Variants in CHD1L observed in about 807,000 individuals in gnomAD.
CHD1L encodes the protein ATP-dependent chromatin remodeler CHD1L.
CHD1L carries 118 observed loss-of-function variants against 115.9 expected under a neutral mutation model. That is an observed-to-expected ratio of 1.02 (90% CI 0.88 to 1.19). The LOEUF is 1.19. CHD1L is among the 50% of genes most tolerant of loss of function. The pLI is 0.00. For missense variants in CHD1L, 1,179 were observed against 1,065.3 expected, an observed-to-expected ratio of 1.11 and a Z score of -1.49; for synonymous variants, 411 against 387.1, an observed-to-expected ratio of 1.06 and a Z score of -0.72.
the CHD1L span, chr1:147,212,243 C>G: frequency 2.7e-6 from 2 of 733,942 alleles, no homozygotes; most frequent in Non-Finnish European, 2.2e-6. Flanking sequence ...ATGTTGCCAA[C>G]TGAGGTAATG....
intron 3 of CHD1L, 99 bp from the exon 4 acceptor site, chr1:147,255,714 T>C: frequency 3.8e-6 from 3 of 790,408 alleles, no homozygotes; most frequent in Admixed American, 5.0e-5. Context: ...ATGAGTTCTG[T>C]ACATTGCAAT....
Position 147,280,155 on chromosome 1 carries a change from G to C in CHD1L, c.1669G>C (p.Ala557Pro). Residue 557 changes from alanine to proline, a missense_variant, in exon 15 of 23, where the codon GCA becomes CCA. Coordinates refer to ENST00000369258, the MANE Select transcript of CHD1L (RefSeq NM_004284.6). ...DGQWVSDALP[A>P]AEGGSRDQEE... ...CCAGTGGGTCTCTGATGCCTTGCCT[G>C]CAGCAGAAGGAGGGAGCAGAGATCA... 1 of 1,611,288 alleles carries C rather than the reference G, an allele frequency of 6.2e-7. No homozygotes were observed. The highest frequency in any genetic ancestry group is 1.1e-5 in the South Asian group (1 of 90,592).
Position 147,294,521 on chromosome 1 carries a change from T to A in CHD1L, c.2615+4T>A. The A allele has an allele frequency of 6.2e-7, 1 of 1,605,998 alleles. No homozygotes were observed. Among genetic ancestry groups the A allele is most frequent in the Non-Finnish European group, 8.5e-7 (1 of 1,174,560 alleles). On this transcript the variant is annotated splice_donor_region_variant and intron_variant, in intron 22 of 22. Transcript: ENST00000369258. ...CAAGAGGCATCCCAACTTACATGTA[T>A]CCTTTTGTGATCTTCATTGTGTGTT...
chr1:147,268,109 C>T (rs187390568), intron 9 of CHD1L, among the ~76,000 whole-genome samples: 1 of 152,190 alleles, frequency 6.6e-6, no homozygotes, highest in African/African-American at 2.4e-5. Context: ...TATACTTTCT[C>T]TTCTCCATCT....
chr1:147,289,615 G>C (rs1460212516), intron 19 of CHD1L, among the ~76,000 whole-genome samples: 1 of 152,172 alleles, frequency 6.6e-6, no homozygotes, highest in Non-Finnish European at 1.5e-5. Flanking sequence ...TGAAACTGTG[G>C]ATTCCAATTC....
At chr1:147,231,242 C>G in the CHD1L span, among the ~76,000 whole-genome samples, 3 of 152,236 alleles carry the variant, frequency 2.0e-5, no homozygotes, top group South Asian at 6.2e-4. Context: ...ACCTCTTTAT[C>G]TCTACCTTCA....
In CHD1L at chr1:147,285,368, G is replaced by A. The variant is rs926865372; in HGVS notation, c.1899G>A (p.Arg633=). The change falls in exon 17 of 23, where the codon CGG becomes CGA. Residue 633 remains arginine (R), a synonymous_variant. Coordinates refer to ENST00000369258, the MANE Select transcript of CHD1L (RefSeq NM_004284.6). ...GLVEGSTKRK[R]VLSPEELEDR... ...TGGAGGGATCTACCAAAAGGAAGCG[G>A]GTTCTGAGTCCAGAAGAGCTGGAGG... The A allele has an allele frequency of 6.2e-7, 1 of 1,613,892 alleles. No homozygotes were observed. The highest frequency in any genetic ancestry group is 1.1e-5 in the South Asian group (1 of 91,056).
the CHD1L span, among the ~76,000 whole-genome samples, chr1:147,193,914 G>A: frequency 1.3e-5 from 2 of 152,040 alleles, no homozygotes; most frequent in Non-Finnish European, 2.9e-5. Context: ...GCTGAGGAGT[G>A]CTTTACTTCC....
rs1678348087 is a variant in CHD1L, at chr1:147,276,127, T to C, written c.1409T>C (p.Ile470Thr). 2 of 1,614,062 alleles carry C rather than the reference T, an allele frequency of 1.2e-6. No homozygotes were observed. Among genetic ancestry groups the C allele is most frequent in the Non-Finnish European group, 1.7e-6 (2 of 1,180,018 alleles). The change falls in exon 14 of 23, where the codon ATT becomes ACT. Residue 470 changes from isoleucine (I) to threonine (T), a missense_variant. Physicochemically the swap from Ile to Thr is moderately conservative, Grantham distance 89. Coordinates refer to ENST00000369258, the MANE Select transcript of CHD1L (RefSeq NM_004284.6). The stretch of plus-strand genomic sequence containing the variant: ...AGGTCTGTTAAAGTTATTCGGCTGA[T>C]TGGTCGAGACACTGTGGAAGAAATA... The part of the protein sequence containing the change: ...QNKSVKVIRL[I>T]GRDTVEEIVY...
At chr1:147,194,329 C>T in the CHD1L span, among the ~76,000 whole-genome samples, 5,605 of 152,064 alleles carry the variant, frequency 0.037, 154 homozygotes, top group South Asian at 0.095. Context: ...AGGATTGCAA[C>T]CCCTGCCTTT....
chr1:147,243,530 A>G (rs1410384842), intron 1 of CHD1L, among the ~76,000 whole-genome samples: 1 of 152,002 alleles, frequency 6.6e-6, no homozygotes. Flanking sequence ...CATGCCCCCC[A>G]GCCCTGCCGC....
chr1:147,251,732 T>C (rs1553936477), intron 1 of CHD1L, among the ~76,000 whole-genome samples: 1 of 152,142 alleles, frequency 6.6e-6, no homozygotes, highest in Non-Finnish European at 1.5e-5. Context: ...GTTTTCACCA[T>C]GTTGGCCAGG....
rs1257191542 is a variant in CHD1L, at chr1:147,242,928, G to A, written c.127+98G>A. Reference sequence around the variant, plus strand: ...CAGCGGGTGGGCCGCCCGGTGGGCAGTTTACCCGCTCGCGCCAGGGCCTTC... The same window carrying A: ...CAGCGGGTGGGCCGCCCGGTGGGCAATTTACCCGCTCGCGCCAGGGCCTTC... On this transcript the variant is annotated intron_variant, in intron 1 of 22. Coordinates refer to ENST00000369258, the MANE Select transcript of CHD1L (RefSeq NM_004284.6). The A allele has an allele frequency of 2.1e-5, 26 of 1,212,890 alleles. No homozygotes were observed. In the African/African-American group the frequency reaches 3.4e-4, roughly 16 times the overall value. 75.1% of individuals were successfully genotyped at this position (1,212,890 alleles called of 1,614,324 possible). A position where few individuals can be genotyped will look rare whatever the true frequency, so the allele number is the denominator to read the frequency against.
chr1:147,240,673 A>G (rs797023883), upstream of CHD1L, among the ~76,000 whole-genome samples: 5 of 152,130 alleles, frequency 3.3e-5, no homozygotes, highest in Non-Finnish European at 7.3e-5. Flanking sequence ...GGAGAAAACC[A>G]CCTTAGGCCT....
intron 15 of CHD1L, among the ~76,000 whole-genome samples, 184 bp from the exon 16 acceptor site, chr1:147,284,167 C>G (rs1400835417): frequency 1.3e-5 from 2 of 152,130 alleles, no homozygotes; most frequent in Non-Finnish European, 2.9e-5. Context: ...CACATGGGAT[C>G]CCCATGTAGA....
At chr1:147,206,008 A>G in the CHD1L span, among the ~76,000 whole-genome samples, 3 of 151,876 alleles carry the variant, frequency 2.0e-5, no homozygotes, top group South Asian at 2.1e-4. Flanking sequence ...AATTTTTGCA[A>G]TCTACTCATC....
chr1:147,174,883 A>G, the CHD1L span: 9 of 152,182 alleles, frequency 5.9e-5, no homozygotes, highest in Non-Finnish European at 8.8e-5. Flanking sequence ...TGTGTCTAGG[A>G]TGTCATTGCC....
the CHD1L span, chr1:147,187,186 A>G: frequency 1.8e-5 from 29 of 1,614,134 alleles, no homozygotes; most frequent in Non-Finnish European, 2.4e-5. Flanking sequence ...CAAATCAGCA[A>G]GCTCTTCCAT....
chr1:147,243,519 G>A (rs1428000518), intron 1 of CHD1L, among the ~76,000 whole-genome samples: 1 of 152,050 alleles, frequency 6.6e-6, no homozygotes, highest in African/African-American at 2.4e-5. Flanking sequence ...CGCGAACCTT[G>A]CATGCCCCCC....
Sources: gnomAD v4.1 joint callset for allele counts (sites outside exome capture counted in the v4.1 genomes callset) on GRCh38, gnomAD v4.1.1 for gene constraint, MANE v1.5 for transcripts, NCBI Gene and HGNC (gene_info 2026-07-23, HGNC 2026-07-21) for gene names.